TAFA4: variants seen among roughly 807,000 people sequenced by gnomAD.
TAFA4 encodes chemokine-like protein TAFA-4.
Under a neutral mutation model 21.1 loss-of-function variants are expected in TAFA4, and 20 were observed. The observed-to-expected ratio is 0.95, with a 90% CI of 0.67 to 1.38. The LOEUF is 1.38. TAFA4 is among the 40% of genes most tolerant of loss of function. The probability of loss-of-function intolerance (pLI) is 0.00; values close to 1 mark genes in which losing one functional copy is unlikely to be tolerated. For synonymous variants in TAFA4, 71 were observed against 67.4 expected (o/e 1.05, Z -0.26); for missense variants, 211 against 180.9 (o/e 1.17, Z -0.95).
At chr3:68,899,925 C>G (rs922813436) in intron 1 of TAFA4, among the ~76,000 whole-genome samples, 1 of 151,898 alleles carries the variant, frequency 6.6e-6, no homozygotes, top group Non-Finnish European at 1.5e-5. Context: ...TTTTCACCAC[C>G]TAAAAGACAT....
chr3:68,882,914 G>C (rs1003581884), intron 2 of TAFA4: 4 of 152,214 alleles, frequency 2.6e-5, no homozygotes, highest in Non-Finnish European at 5.9e-5. Flanking sequence ...TGTAAGTTTA[G>C]AATGTTAGCA....
intron 1 of TAFA4, among the ~76,000 whole-genome samples, chr3:68,893,269 C>T (rs897393093): frequency 9.2e-5 from 14 of 152,178 alleles, no homozygotes; most frequent in African/African-American, 3.4e-4. Context: ...CTAACTTCTA[C>T]ATAAAAAATA....
chr3:68,790,177 G>A (rs937838724), intron 3 of TAFA4, among the ~76,000 whole-genome samples: 5 of 142,806 alleles, frequency 3.5e-5, no homozygotes, highest in African/African-American at 1.2e-4. Context: ...GTATATGCTT[G>A]TGAGGCTTCT....
intron 5 of TAFA4, among the ~76,000 whole-genome samples, chr3:68,733,657 G>A (rs1482696627): frequency 6.6e-6 from 1 of 152,060 alleles, no homozygotes; most frequent in Non-Finnish European, 1.5e-5. Flanking sequence ...CAGGCTCATT[G>A]CTTGTGATCT....
At chr3:68,824,952 T>C (rs1417312958) in intron 3 of TAFA4, among the ~76,000 whole-genome samples, 1 of 152,172 alleles carries the variant, frequency 6.6e-6, no homozygotes, top group Non-Finnish European at 1.5e-5. Flanking sequence ...CACTTACCTC[T>C]TGGGTGCAAA....
intron 5 of TAFA4, 87 bp from the exon 6 acceptor site, chr3:68,733,240 C>T (rs549065025): frequency 5.3e-6 from 8 of 1,500,952 alleles, no homozygotes; most frequent in Admixed American, 1.9e-5. Flanking sequence ...AAGGTCCTGA[C>T]TGTGAATACT....
chr3:68,900,653 G>T (rs1019030067), intron 1 of TAFA4, among the ~76,000 whole-genome samples: 1 of 152,062 alleles, frequency 6.6e-6, no homozygotes, highest in African/African-American at 2.4e-5. Context: ...GCTCCGTGAG[G>T]GCAAAGATCA....
intron 3 of TAFA4, among the ~76,000 whole-genome samples, chr3:68,783,557 T>C (rs1703187036): frequency 6.6e-6 from 1 of 151,706 alleles, no homozygotes; most frequent in Non-Finnish European, 1.5e-5. Context: ...GGGACAGTGA[T>C]CCAAAAAATG....
chr3:68,930,168 T>C (rs1257209838), intron 1 of TAFA4, among the ~76,000 whole-genome samples: 1 of 152,100 alleles, frequency 6.6e-6, no homozygotes, highest in Admixed American at 6.6e-5. Flanking sequence ...TGGAACTAGG[T>C]CATCAAACAA....
At chr3:68,759,888 G>C (rs1423235837) in intron 3 of TAFA4, among the ~76,000 whole-genome samples, 3 of 152,064 alleles carry the variant, frequency 2.0e-5, no homozygotes, top group African/African-American at 7.2e-5. Flanking sequence ...GGGCAGATGG[G>C]GGGTAGATGG....
At chr3:68,820,557 T>C (rs1704091419) in intron 3 of TAFA4, among the ~76,000 whole-genome samples, 2 of 152,112 alleles carry the variant, frequency 1.3e-5, no homozygotes, top group Non-Finnish European at 2.9e-5. Context: ...CATGTGCCTA[T>C]AATTCCATCT....
chr3:68,803,794 A>ATTTTTTTTTT (rs1469358679), intron 3 of TAFA4, among the ~76,000 whole-genome samples: 1 of 58,792 alleles, frequency 1.7e-5, no homozygotes, highest in East Asian at 1.2e-3. Flanking sequence ...TACATCTCTG[A>ATTTTTTTTTT]TTCTTTTTTT....
intron 1 of TAFA4, among the ~76,000 whole-genome samples, chr3:68,901,779 C>T (rs1469672683): frequency 6.6e-6 from 1 of 152,112 alleles, no homozygotes; most frequent in African/African-American, 2.4e-5. Flanking sequence ...TTGGCTGATA[C>T]CAAACACAGT....
intron 3 of TAFA4, among the ~76,000 whole-genome samples, chr3:68,845,409 A>G (rs1704762122): frequency 6.6e-6 from 1 of 151,592 alleles, no homozygotes; most frequent in African/African-American, 2.4e-5. Flanking sequence ...TGAGCCTTTG[A>G]ACCTTTGCAC....
At chr3:68,859,694 C>T (rs919767214) in intron 3 of TAFA4, among the ~76,000 whole-genome samples, 4 of 152,056 alleles carry the variant, frequency 2.6e-5, no homozygotes, top group African/African-American at 4.8e-5. Context: ...CTGAATGCCA[C>T]GCAGGGAAAG....
At chr3:68,800,005 T>A (rs755314594) in intron 3 of TAFA4, among the ~76,000 whole-genome samples, 8 of 152,070 alleles carry the variant, frequency 5.3e-5, no homozygotes, top group Non-Finnish European at 1.0e-4. Context: ...CTTATGAGAA[T>A]CTAATGCCTA....
intron 3 of TAFA4, among the ~76,000 whole-genome samples, chr3:68,823,812 C>T (rs1452951830): frequency 6.6e-6 from 1 of 152,024 alleles, no homozygotes; most frequent in East Asian, 1.9e-4. Context: ...ATAGTATGCC[C>T]AACAATGATA....
At chr3:68,919,595 G>A (rs901257011) in intron 1 of TAFA4, among the ~76,000 whole-genome samples, 6 of 152,188 alleles carry the variant, frequency 3.9e-5, no homozygotes, top group Admixed American at 3.9e-4. Flanking sequence ...TAAAATTAAA[G>A]AAAATTTAAA....
intron 3 of TAFA4, among the ~76,000 whole-genome samples, chr3:68,809,873 T>C (rs1395935487): frequency 1.3e-5 from 2 of 152,214 alleles, no homozygotes; most frequent in African/African-American, 2.4e-5. Context: ...CATTGGTCCG[T>C]AAATGTGTGG....
Sources: allele counts gnomAD v4.1 joint callset (sites outside exome capture counted in the v4.1 genomes callset), GRCh38; gene constraint gnomAD v4.1.1; transcripts MANE v1.5; gene names NCBI Gene and HGNC (gene_info 2026-07-23, HGNC 2026-07-21).